GADL1: variants seen among roughly 807,000 people sequenced by gnomAD.
The protein encoded by GADL1 is acidic amino acid decarboxylase GADL1.
A neutral mutation model predicts 69.5 loss-of-function variants in GADL1; 71 were observed. The observed-to-expected ratio is 1.02, with a 90% CI of 0.84 to 1.25. GADL1 has a LOEUF of 1.25. Among genes scored for constraint, GADL1 ranks in the 50% most tolerant of loss-of-function variants. The probability of loss-of-function intolerance (pLI) is 0.00; values close to 1 mark genes in which losing one functional copy is unlikely to be tolerated. For missense variants in GADL1, 737 were observed against 631.8 expected (o/e 1.17, Z -1.79); for synonymous variants, 254 against 214.4 (o/e 1.18, Z -1.62).
intron 9 of GADL1, among the ~76,000 whole-genome samples, chr3:30,837,851 C>G (rs1378962376): frequency 6.6e-6 from 1 of 152,074 alleles, no homozygotes; most frequent in African/African-American, 2.4e-5. Context: ...GATACAAATG[C>G]TAAAATCCCG....
intron 11 of GADL1, among the ~76,000 whole-genome samples, chr3:30,831,215 A>G (rs1265717558): frequency 6.6e-6 from 1 of 151,956 alleles, no homozygotes; most frequent in Non-Finnish European, 1.5e-5. Flanking sequence ...ACCCTTCATG[A>G]TCTACCCACT....
At chr3:30,785,911 C>T (rs1478777993) in intron 13 of GADL1, among the ~76,000 whole-genome samples, 1 of 152,166 alleles carries the variant, frequency 6.6e-6, no homozygotes, top group Non-Finnish European at 1.5e-5. Flanking sequence ...AACAATCCAA[C>T]ATCAGCAAAA....
chr3:30,786,279 TATAACAG>T (rs1696787356), intron 13 of GADL1, 69 bp downstream of exon 13: 1 of 869,564 alleles, frequency 1.2e-6, no homozygotes, highest in African/African-American at 1.7e-5. Context: ...CAATGAAACA[TATAACAG>T]ATAAGAAAAT....
chr3:30,850,015 A>C lies in GADL1; in HGVS notation c.632T>G (p.Ile211Ser), dbSNP rs1698123536. The C allele has an allele frequency of 1.3e-6, 2 of 1,599,660 alleles. No individual in the cohort carries two copies. Among genetic ancestry groups the C allele is most frequent in the East Asian group, 4.5e-5 (2 of 44,716 alleles). ...EKGLSGSPRL[I>S]LFTSAECHYS... is the part of the protein sequence containing the mutation. ...TTTTACCTCTGCAGATGTGAAAAGG[A>C]TTAATCTTGGCGAACCAGACAGCCC... is the stretch of plus-strand genomic sequence containing the variant. The change falls in exon 6 of 15, where the codon ATC (isoleucine) becomes AGC (serine). Residue 211 changes from isoleucine (I) to serine (S), a missense_variant. Transcript: ENST00000282538.
rs1400850268 is a variant in GADL1 at position 30,839,078 on chromosome 3, A to G, written c.822T>C (p.Gly274=). The change falls in exon 9 of 15, where the codon GGT becomes GGC. Residue 274 remains glycine, a synonymous_variant. Coordinates refer to ENST00000282538, the MANE Select transcript of GADL1 (RefSeq NM_207359.3). The part of the protein sequence containing the change: ...AAPFLVCATS[G]TTVLGAFDPL... ...GGTCAAAAGCTCCCAACACAGTTGT[A>G]CCAGAAGTGGCACAGACAAGAAACG... The G allele has an allele frequency of 1.2e-6, 2 of 1,604,860 alleles. No individual in the cohort carries two copies. Among genetic ancestry groups the G allele is most frequent in the Admixed American group, 1.7e-5 (1 of 58,620 alleles).
At chr3:30,800,777 C>CT (rs1449065547) in intron 12 of GADL1, 112 bp downstream of exon 12, 3 of 852,222 alleles carry the variant, frequency 3.5e-6, no homozygotes, top group Non-Finnish European at 5.5e-6. Context: ...TATTACTTTC[C>CT]TTAGGTCTTC....
At chr3:30,865,578 C>G (rs1209851850) in intron 1 of GADL1, among the ~76,000 whole-genome samples, 1 of 151,930 alleles carries the variant, frequency 6.6e-6, no homozygotes, top group Non-Finnish European at 1.5e-5. Flanking sequence ...CCTGATTAAG[C>G]AGGGGAAACC....
chr3:30,769,325 C>T (rs1395788627), intron 14 of GADL1, among the ~76,000 whole-genome samples: 1 of 152,072 alleles, frequency 6.6e-6, no homozygotes, highest in African/African-American at 2.4e-5. Context: ...GGTGACAGTG[C>T]TGTATCCTTA....
At chr3:30,759,245 T>TGTC (rs1231550502) in intron 14 of GADL1, among the ~76,000 whole-genome samples, 237 of 136,658 alleles carry the variant, frequency 1.7e-3, no homozygotes, top group Non-Finnish European at 2.9e-3. Flanking sequence ...CTCACAATGA[T>TGTC]TATGTAAATC....
chr3:30,839,228 G>A, intron 8 of GADL1, 115 bp from the exon 9 acceptor site: 1 of 614,372 alleles, frequency 1.6e-6, no homozygotes, highest in Non-Finnish European at 2.7e-6. Flanking sequence ...TTTTTTGGAG[G>A]TAGTCATTAA....
intron 14 of GADL1, among the ~76,000 whole-genome samples, chr3:30,740,082 G>A (rs1379590206): frequency 6.6e-6 from 1 of 152,154 alleles, no homozygotes; most frequent in Non-Finnish European, 1.5e-5. Context: ...GGGGGCTACA[G>A]GCTACAGAGG....
chr3:30,740,143 C>T (rs915216530), intron 14 of GADL1, among the ~76,000 whole-genome samples: 14 of 152,158 alleles, frequency 9.2e-5, no homozygotes, highest in African/African-American at 3.1e-4. Flanking sequence ...AGGCAGGACC[C>T]ACCTCTGCCT....
rs995040272 is a variant in GADL1 at position 30,731,061 on chromosome 3, G to A, written c.1393-2646C>T. ...AAGTGGCTTTCTGAATGCAAACTGT[G>A]AGAAAAAGACAACAGTAGTGCCAGT... On this transcript the variant is annotated intron_variant, in intron 14 of 14. Coordinates refer to ENST00000282538, the MANE Select transcript of GADL1 (RefSeq NM_207359.3). 3.9e-5 allele frequency among the ~76,000 whole-genome samples: 6 copies of A among 152,190 alleles called. No homozygotes were observed. The East Asian group carries it at 7.7e-4, about 20-fold the overall frequency.
At chr3:30,773,310 A>G in intron 14 of GADL1, among the ~76,000 whole-genome samples, 1 of 152,192 alleles carries the variant, frequency 6.6e-6, no homozygotes, top group South Asian at 2.1e-4. Flanking sequence ...GGGGGAATAC[A>G]TGGTTAAAAC....
intron 14 of GADL1, among the ~76,000 whole-genome samples, chr3:30,744,490 C>T (rs1470115486): frequency 6.6e-6 from 1 of 152,040 alleles, no homozygotes; most frequent in Non-Finnish European, 1.5e-5. Flanking sequence ...GGGAGAGGGT[C>T]ATTTAAGACC....
At chr3:30,852,275 G>T (rs1698160085) in intron 4 of GADL1, among the ~76,000 whole-genome samples, 1 of 152,116 alleles carries the variant, frequency 6.6e-6, no homozygotes, top group African/African-American at 2.4e-5. Context: ...AGCACTTTGG[G>T]AGTTCAAGGC....
rs539897684 is a variant in GADL1, at chr3:30,814,828, G to T, written c.1051-13740C>A. 1.2e-4 allele frequency among the ~76,000 whole-genome samples: 18 copies of T among 152,186 alleles called. No individual in the cohort carries two copies. In the South Asian group the frequency reaches 1.2e-3, roughly 11 times the overall value. On this transcript the variant is annotated intron_variant, in intron 11 of 14. Transcript: ENST00000282538. ...AAAATATAAAAATTAGCTGGGCATG[G>T]TGGTGGGCACCTGTAATCCCAGCTA...
chr3:30,806,936 A>T (rs1206861420), intron 11 of GADL1, among the ~76,000 whole-genome samples: 1 of 152,224 alleles, frequency 6.6e-6, no homozygotes, highest in Non-Finnish European at 1.5e-5. Context: ...AAACTTCATT[A>T]CTAATCTGGC....
At chr3:30,799,775 A>C (rs1022477838) in intron 12 of GADL1, 1 of 152,184 alleles carries the variant, frequency 6.6e-6, no homozygotes, top group Non-Finnish European at 1.5e-5. Flanking sequence ...CTGCTTAAAA[A>C]TTTCTTCCAT....
Sources: allele counts gnomAD v4.1 joint callset (sites outside exome capture counted in the v4.1 genomes callset), GRCh38; gene constraint gnomAD v4.1.1; transcripts MANE v1.5; gene names NCBI Gene and HGNC (gene_info 2026-07-23, HGNC 2026-07-21).